Variants in TRDN observed in about 807,000 individuals in gnomAD.
The protein encoded by TRDN is triadin in skeletal muscle.
A neutral mutation model predicts 149.7 loss-of-function variants in TRDN; 161 were observed. The observed-to-expected ratio is 1.08, with a 90% CI of 0.95 to 1.23. TRDN has a LOEUF of 1.23. TRDN is among the 50% of genes most tolerant of loss of function. The pLI is 0.00. For missense variants in TRDN, 896 were observed against 823.5 expected (o/e 1.09, Z -1.08); for synonymous variants, 294 against 250.5 (o/e 1.17, Z -1.64).
At chr6:123,510,642 C>CTTTTTTT (rs145396385) in intron 7 of TRDN, among the ~76,000 whole-genome samples, 4 of 138,480 alleles carry the variant, frequency 2.9e-5, no homozygotes, top group Non-Finnish European at 4.7e-5. Flanking sequence ...TGCATGACCA[C>CTTTTTTT]TTTTTTTTTT....
intron 4 of TRDN, among the ~76,000 whole-genome samples, chr6:123,541,610 T>C (rs1452694241): frequency 6.6e-6 from 1 of 152,146 alleles, no homozygotes; most frequent in Non-Finnish European, 1.5e-5. Flanking sequence ...AAGCTCCTCA[T>C]GCAGCCTGAG....
chr6:123,502,785 A>G (rs1239793301), intron 8 of TRDN: 1 of 985,146 alleles, frequency 1.0e-6, no homozygotes, highest in African/African-American at 1.7e-5. Context: ...CAAAGTAAAG[A>G]AAAATTTGGT....
chr6:123,246,604 C>CA (rs1197681254), intron 38 of TRDN, among the ~76,000 whole-genome samples: 127 of 143,574 alleles, frequency 8.8e-4, no homozygotes, highest in African/African-American at 1.2e-3. Context: ...GCCTATCAAC[C>CA]AAAAAAAAAA....
intron 12 of TRDN, among the ~76,000 whole-genome samples, chr6:123,431,222 T>A (rs2114571709): frequency 6.6e-6 from 1 of 152,332 alleles, no homozygotes; most frequent in Non-Finnish European, 1.5e-5. Context: ...AATCTACTAT[T>A]GCCTTGTAAT....
rs193268507 is a variant in TRDN, at chr6:123,252,014, C to T, written c.1975+398G>A. On this transcript the variant is annotated intron_variant, in intron 38 of 40. Coordinates refer to ENST00000334268, the MANE Select transcript of TRDN (RefSeq NM_006073.4). ...AGATACACAATTTTATTTAGGTTAA[C>T]GAACACTAGAAAACAGCAGCAAAAG... 3.6e-4 allele frequency among the ~76,000 whole-genome samples: 54 copies of T among 152,016 alleles called. No individual in the cohort carries two copies. In the East Asian group the frequency reaches 8.9e-3, roughly 25 times the overall value.
intron 10 of TRDN, among the ~76,000 whole-genome samples, chr6:123,456,667 C>T (rs954492159): frequency 4.6e-5 from 7 of 152,086 alleles, no homozygotes; most frequent in African/African-American, 1.7e-4. Context: ...TAGGGTTTCG[C>T]CATGTTGCCC....
intron 9 of TRDN, among the ~76,000 whole-genome samples, chr6:123,475,019 T>C (rs1219770974): frequency 1.3e-5 from 2 of 151,898 alleles, no homozygotes; most frequent in African/African-American, 4.8e-5. Flanking sequence ...AGAGCAAACA[T>C]ATTCAAAAGC....
chr6:123,368,198 T>C (rs186263225), intron 19 of TRDN, among the ~76,000 whole-genome samples: 1 of 152,316 alleles, frequency 6.6e-6, no homozygotes, highest in East Asian at 1.9e-4. Context: ...ATCCTCTTTG[T>C]TTCTCATTAC....
At chr6:123,625,036 A>G (rs1785580566) in intron 1 of TRDN, among the ~76,000 whole-genome samples, 1 of 151,120 alleles carries the variant, frequency 6.6e-6, no homozygotes, top group Non-Finnish European at 1.5e-5. Flanking sequence ...TACATCCCAC[A>G]GACTACTAAT....
intron 40 of TRDN, among the ~76,000 whole-genome samples, chr6:123,219,442 A>G (rs185038369): frequency 2.0e-5 from 3 of 151,922 alleles, no homozygotes; most frequent in East Asian, 2.0e-4. Context: ...AGTGTTTTCT[A>G]TCCTATCCAT....
chr6:123,242,448 T>C (rs1156993447), intron 38 of TRDN, among the ~76,000 whole-genome samples: 1 of 152,094 alleles, frequency 6.6e-6, no homozygotes, highest in East Asian at 1.9e-4. Flanking sequence ...TTATTTATCA[T>C]ATATTTACCA....
intron 1 of TRDN, among the ~76,000 whole-genome samples, chr6:123,627,427 A>G (rs1785736471): frequency 6.6e-6 from 1 of 152,150 alleles, no homozygotes; most frequent in Non-Finnish European, 1.5e-5. Flanking sequence ...AGTAAATCTC[A>G]ACAGTGGGCT....
chr6:123,380,294 T>C (rs1412252894), intron 16 of TRDN, among the ~76,000 whole-genome samples: 3 of 152,208 alleles, frequency 2.0e-5, no homozygotes, highest in Middle Eastern at 3.2e-3. Context: ...TTAAATCTTA[T>C]AAACTGTAAT....
chr6:123,462,669 A>G (rs1776519706), intron 10 of TRDN: 2 of 152,074 alleles, frequency 1.3e-5, no homozygotes, highest in Non-Finnish European at 2.9e-5. Flanking sequence ...TTAGTGCCAC[A>G]TGAAAGTTCC....
intron 38 of TRDN, among the ~76,000 whole-genome samples, chr6:123,249,595 A>G (rs541127692): frequency 1.3e-5 from 2 of 152,186 alleles, no homozygotes; most frequent in South Asian, 4.1e-4. Flanking sequence ...AATACTATGA[A>G]GCCATAAAAA....
At chr6:123,275,346 C>A (rs4346869) in intron 26 of TRDN, among the ~76,000 whole-genome samples, 27,634 of 151,802 alleles carry the variant, frequency 0.18, 3,147 homozygotes, top group East Asian at 0.54. Flanking sequence ...GATGACCACG[C>A]GATAATAGAG....
At chr6:123,250,945 C>G (rs1021166936) in intron 38 of TRDN, among the ~76,000 whole-genome samples, 2 of 152,222 alleles carry the variant, frequency 1.3e-5, no homozygotes, top group South Asian at 2.1e-4. Flanking sequence ...ACTTCTGATG[C>G]TATCTTTCTT....
chr6:123,626,987 G>A (rs1785706389), intron 1 of TRDN, among the ~76,000 whole-genome samples: 1 of 151,686 alleles, frequency 6.6e-6, no homozygotes, highest in Non-Finnish European at 1.5e-5. Flanking sequence ...GGAGTGCAGT[G>A]GCACGATCTC....
chr6:123,488,714 T>A (rs1778079150), intron 9 of TRDN: 2 of 151,722 alleles, frequency 1.3e-5, no homozygotes, highest in Admixed American at 6.6e-5. Flanking sequence ...ATCTTGTTTT[T>A]TTTTTTTTTT....
Sources: gnomAD v4.1 joint callset for allele counts (sites outside exome capture counted in the v4.1 genomes callset) on GRCh38, gnomAD v4.1.1 for gene constraint, MANE v1.5 for transcripts, NCBI Gene and HGNC (gene_info 2026-07-23, HGNC 2026-07-21) for gene names.